SNX29: variants seen among roughly 807,000 people sequenced by gnomAD.
SNX29 encodes the protein sorting nexin-29.
SNX29 carries 78 observed loss-of-function variants against 102.1 expected under a neutral mutation model. That is an observed-to-expected ratio of 0.76 (90% CI 0.64 to 0.92). The LOEUF is 0.92. SNX29 is among the 40% of genes least tolerant of loss of function. SNX29 has a pLI of 0.00. For missense variants in SNX29, 1,280 were observed against 1,061.7 expected (o/e 1.21, Z -2.86); for synonymous variants, 580 against 414.5 (o/e 1.40, Z -4.85).
intron 10 of SNX29, among the ~76,000 whole-genome samples, chr16:12,074,540 A>G (rs1453734060): frequency 6.6e-6 from 1 of 152,174 alleles, no homozygotes; most frequent in African/African-American, 2.4e-5. Flanking sequence ...ATCCACTGTT[A>G]GTCTGATGGG....
intron 18 of SNX29, among the ~76,000 whole-genome samples, chr16:12,413,059 C>G (rs76252245): frequency 0.013 from 2,021 of 152,288 alleles, 45 homozygotes; most frequent in African/African-American, 0.046. Context: ...GTTTGCTCAT[C>G]ATGGAGATTG....
intron 3 of SNX29, among the ~76,000 whole-genome samples, chr16:12,006,344 C>T (rs1418009693): frequency 4.0e-5 from 6 of 151,066 alleles, no homozygotes; most frequent in South Asian, 2.1e-4. Flanking sequence ...GGAGAAACCC[C>T]GTCTCTACTT....
At chr16:12,125,475 G>A (rs2054164582) in intron 11 of SNX29, among the ~76,000 whole-genome samples, 1 of 152,142 alleles carries the variant, frequency 6.6e-6, no homozygotes, top group African/African-American at 2.4e-5. Flanking sequence ...TGGGACCTGG[G>A]AGGGTAGGGA....
intron 15 of SNX29, among the ~76,000 whole-genome samples, chr16:12,298,229 A>G (rs545495769): frequency 9.3e-4 from 142 of 152,340 alleles, no homozygotes; most frequent in African/African-American, 3.2e-3. Context: ...GGAATGATCA[A>G]TTCAATGCTC....
chr16:12,454,619 C>G (rs1196109399), intron 18 of SNX29, among the ~76,000 whole-genome samples: 1 of 152,168 alleles, frequency 6.6e-6, no homozygotes, highest in Admixed American at 6.5e-5. Flanking sequence ...TGAGGAAGAA[C>G]AGATCAGGCA....
chr16:12,163,363 G>A (rs967550443), intron 13 of SNX29, among the ~76,000 whole-genome samples: 5 of 152,102 alleles, frequency 3.3e-5, no homozygotes, highest in Non-Finnish European at 7.4e-5. Flanking sequence ...AGGGCTTTAC[G>A]AGAAGCTTGA....
intron 20 of SNX29, 27 bp from the exon 21 acceptor site, chr16:12,568,479 A>G: frequency 6.2e-7 from 1 of 1,607,372 alleles, no homozygotes; most frequent in Non-Finnish European, 8.5e-7. Context: ...CCCCAGACTT[A>G]ACCCGATTCT....
intron 18 of SNX29, among the ~76,000 whole-genome samples, chr16:12,474,267 C>A (rs963428108): frequency 6.6e-6 from 1 of 152,152 alleles, no homozygotes; most frequent in Non-Finnish European, 1.5e-5. Context: ...GTGCGTAGTG[C>A]CTGGGATAGG....
At chr16:12,537,772 C>CA (rs201910902) in intron 20 of SNX29, among the ~76,000 whole-genome samples, 80 of 151,378 alleles carry the variant, frequency 5.3e-4, no homozygotes, top group African/African-American at 1.4e-3. Context: ...TTTGTTTAAA[C>CA]AAAAAAAAGT....
intron 13 of SNX29, among the ~76,000 whole-genome samples, chr16:12,160,012 T>A (rs2055716540): frequency 6.6e-6 from 1 of 152,140 alleles, no homozygotes; most frequent in South Asian, 2.1e-4. Context: ...GAACTCTAAG[T>A]AAGTCCCTTT....
chr16:12,095,820 C>T (rs1012899455), intron 11 of SNX29, among the ~76,000 whole-genome samples: 4 of 152,160 alleles, frequency 2.6e-5, no homozygotes, highest in Non-Finnish European at 2.9e-5. Flanking sequence ...TGAGCCAGGG[C>T]AGAGAGGGCA....
rs182834799 is a variant in SNX29, at chr16:12,542,251, T to C, written c.2318+17410T>C. Among the ~76,000 whole-genome samples the C allele has an allele frequency of 3.0e-4, 45 of 152,134 alleles. 1 individual carries two copies. The East Asian group carries it at 8.7e-3, about 29-fold the overall frequency. ...ATAGGACCTAGTGTTATTCCCTTTA[T>C]AGATGAGGAAATTGAGGCATGGAGA... On this transcript the variant is annotated intron_variant, in intron 20 of 20. Transcript: ENST00000566228.
intron 12 of SNX29, among the ~76,000 whole-genome samples, chr16:12,129,348 C>G (rs1178823222): frequency 1.3e-5 from 2 of 152,174 alleles, no homozygotes; most frequent in Non-Finnish European, 2.9e-5. Context: ...TTGCTCACCT[C>G]ATTGTTTTCC....
chr16:12,469,433 T>C (rs1249982133), intron 18 of SNX29, among the ~76,000 whole-genome samples: 1 of 152,230 alleles, frequency 6.6e-6, no homozygotes, highest in African/African-American at 2.4e-5. Flanking sequence ...TTTCATTCCC[T>C]GGCTATTGAG....
At position 12,371,643 on chromosome 16, in the gene SNX29, G is replaced by A. The variant is rs117016617; in HGVS notation, c.1899+15364G>A. On this transcript the variant is annotated intron_variant, in intron 16 of 20. Coordinates refer to ENST00000566228, the MANE Select transcript of SNX29 (RefSeq NM_032167.5). ...TGTTCGGGGAGAGTGGCTTCCTTTCGTTTCTCCTGTCCAGGGTGTCATTGC... is the reference window on the plus strand; with the variant it reads ...TGTTCGGGGAGAGTGGCTTCCTTTCATTTCTCCTGTCCAGGGTGTCATTGC... Among the ~76,000 whole-genome samples, 182 of 152,168 alleles carry A rather than the reference G, an allele frequency of 1.2e-3. 1 individual carries two copies. The highest frequency in any genetic ancestry group is 6.4e-3 in the East Asian group (33 of 5,160).
In SNX29 at chr16:12,281,888, C is replaced by T. The variant is rs4780420; in HGVS notation, c.1782+3852C>T. Among the ~76,000 whole-genome samples the T allele has an allele frequency of 9.7e-3, 1,470 of 151,874 alleles. 79 individuals are homozygous for T. Among genetic ancestry groups the T allele is most frequent in the Admixed American group, 0.085 (1,300 of 15,244 alleles). On this transcript the variant is annotated intron_variant, in intron 15 of 20. Coordinates refer to ENST00000566228, the MANE Select transcript of SNX29 (RefSeq NM_032167.5). Reference sequence around the variant, plus strand: ...GAGTTCGAGAGTAGCCTGGCCAACACGGGGAAACTATGTCTGCCAGATAGA... The same window carrying T: ...GAGTTCGAGAGTAGCCTGGCCAACATGGGGAAACTATGTCTGCCAGATAGA...
rs17223484 is a variant in SNX29 at position 12,569,567 on chromosome 16, C to T, written c.*938C>T. On this transcript the variant is annotated 3_prime_UTR_variant, in exon 21 of 21. Coordinates refer to ENST00000566228, the MANE Select transcript of SNX29 (RefSeq NM_032167.5). ...GACACTTAACAGATCATGTGTCTCT[C>T]CACTAAAAACATTTTCCATCCCGTC... 2 of 230,814 alleles carry T rather than the reference C, an allele frequency of 8.7e-6. No individual in the cohort carries two copies. Among genetic ancestry groups the T allele is most frequent in the African/African-American group, 2.2e-5 (1 of 45,186 alleles). 14.3% of individuals were successfully genotyped at this position (230,814 alleles called of 1,614,324 possible).
rs150109246 is a variant in SNX29 at position 12,341,396 on chromosome 16, C to G, written c.1783-14767C>G. On this transcript the variant is annotated intron_variant, in intron 15 of 20. Coordinates refer to ENST00000566228, the MANE Select transcript of SNX29 (RefSeq NM_032167.5). Reference sequence around the variant, plus strand: ...TTAACAAATGTCTTTGGCCTCTGTGCCTTTCCTCAGACTTTCAGGCCCATT... The same window carrying G: ...TTAACAAATGTCTTTGGCCTCTGTGGCTTTCCTCAGACTTTCAGGCCCATT... 1.4e-3 allele frequency among the ~76,000 whole-genome samples: 212 copies of G among 152,342 alleles called. 3 individuals are homozygous for G. The East Asian group carries it at 0.032, about 23-fold the overall frequency.
intron 19 of SNX29, among the ~76,000 whole-genome samples, chr16:12,508,965 G>A (rs776755639): frequency 4.8e-4 from 73 of 152,192 alleles, no homozygotes; most frequent in Non-Finnish European, 8.5e-4. Flanking sequence ...ATGTCGTTCA[G>A]GTTGGAGATA....
Sources: allele counts gnomAD v4.1 joint callset (sites outside exome capture counted in the v4.1 genomes callset), GRCh38; gene constraint gnomAD v4.1.1; transcripts MANE v1.5; gene names NCBI Gene and HGNC (gene_info 2026-07-23, HGNC 2026-07-21).